DNAH6: variants seen among roughly 807,000 people sequenced by gnomAD.
DNAH6 encodes axonemal beta dynein heavy chain 6.
A neutral mutation model predicts 491.4 loss-of-function variants in DNAH6; 340 were observed. The observed-to-expected ratio is 0.69, with a 90% CI of 0.63 to 0.76. The LOEUF (loss-of-function observed/expected upper bound fraction) is 0.76. DNAH6 is among the 30% of genes least tolerant of loss of function. DNAH6 has a pLI of 0.00. For missense variants in DNAH6, 4,443 were observed against 4,972.2 expected (o/e 0.89, Z 3.20); for synonymous variants, 1,603 against 1,686.1 (o/e 0.95, Z 1.21).
In DNAH6 at chr2:84,548,425, T is replaced by G; in HGVS notation, c.1316+8T>G. ...TTGCATGAGGCTGACGTGGTAAGAT[T>G]ATTCTCATTTTCAAGAAAAATTGTA... On this transcript the variant is annotated splice_region_variant and intron_variant, in intron 8 of 76. Transcript: ENST00000389394. 6.2e-7 allele frequency: 1 copy of G among 1,613,002 alleles called. No homozygotes were observed. The highest frequency in any genetic ancestry group is 8.5e-7 in the Non-Finnish European group (1 of 1,179,758).
At chr2:84,740,485 C>A (rs1378114394) in intron 62 of DNAH6, among the ~76,000 whole-genome samples, 3 of 152,220 alleles carry the variant, frequency 2.0e-5, no homozygotes, top group South Asian at 4.1e-4. Flanking sequence ...GCAAGTGTGA[C>A]CCCCTCTCCA....
intron 29 of DNAH6, among the ~76,000 whole-genome samples, chr2:84,632,141 G>C (rs895327164): frequency 2.6e-5 from 4 of 152,188 alleles, no homozygotes; most frequent in Admixed American, 6.5e-5. Flanking sequence ...TTGTTAACCA[G>C]TCAGTCATTG....
intron 43 of DNAH6, 37 bp downstream of exon 43, chr2:84,685,509 G>A (rs1163849069): frequency 2.3e-6 from 3 of 1,305,228 alleles, no homozygotes; most frequent in Non-Finnish European, 3.0e-6. Flanking sequence ...TTTTTTATTT[G>A]AGTAGAAAAG....
At chr2:84,568,803 A>G (rs1024153501) in intron 11 of DNAH6, among the ~76,000 whole-genome samples, 4 of 152,234 alleles carry the variant, frequency 2.6e-5, no homozygotes, top group African/African-American at 9.6e-5. Context: ...AGCATATGAA[A>G]AGATAGTCTA....
chr2:84,606,516 A>G (rs1286223818), intron 20 of DNAH6, among the ~76,000 whole-genome samples: 2 of 152,192 alleles, frequency 1.3e-5, no homozygotes, highest in Non-Finnish European at 2.9e-5. Flanking sequence ...ATAACCATTC[A>G]GAGCTTGATA....
chr2:84,772,727 G>A (rs532707327), intron 64 of DNAH6, among the ~76,000 whole-genome samples: 1 of 152,100 alleles, frequency 6.6e-6, no homozygotes, highest in East Asian at 1.9e-4. Flanking sequence ...TTTAATAAGG[G>A]ATAGAACAAT....
At chr2:84,661,532 A>G (rs1475109012) in intron 37 of DNAH6, among the ~76,000 whole-genome samples, 1 of 152,184 alleles carries the variant, frequency 6.6e-6, no homozygotes, top group Non-Finnish European at 1.5e-5. Context: ...TGAAAATTTG[A>G]AAGAATACCA....
rs561771596 is a variant in DNAH6 at position 84,652,291 on chromosome 2, T to C, written c.5079-1028T>C. On this transcript the variant is annotated intron_variant, in intron 33 of 76. Transcript: ENST00000389394. ...GGCGCCTATTTCCCCATAAGTGTTTTAAAGAGAGGCCAAATGTAGTAGCCT... is the reference window on the plus strand; with the variant it reads ...GGCGCCTATTTCCCCATAAGTGTTTCAAAGAGAGGCCAAATGTAGTAGCCT... 6.6e-5 allele frequency among the ~76,000 whole-genome samples: 10 copies of C among 152,198 alleles called. No individual in the cohort carries two copies. In the East Asian group the frequency reaches 1.9e-3, roughly 29 times the overall value.
chr2:84,677,167 A>T, intron 41 of DNAH6, 31 bp downstream of exon 41: 1 of 1,551,284 alleles, frequency 6.4e-7, no homozygotes, highest in Admixed American at 2.0e-5. Flanking sequence ...AGGCAACAGG[A>T]GGAAAAGAAA....
intron 56 of DNAH6, among the ~76,000 whole-genome samples, chr2:84,712,489 C>A (rs1697138424): frequency 6.6e-6 from 1 of 152,226 alleles, no homozygotes; most frequent in Non-Finnish European, 1.5e-5. Flanking sequence ...AAAGGCATAA[C>A]TATCATGTAG....
chr2:84,784,591 TA>T, intron 65 of DNAH6, 130 bp from the exon 66 acceptor site: 1 of 622,622 alleles, frequency 1.6e-6, no homozygotes, highest in Non-Finnish European at 2.8e-6. Flanking sequence ...ATACTTGTAA[TA>T]GATTAACTAG....
chr2:84,664,723 G>A (rs574802473), intron 37 of DNAH6, among the ~76,000 whole-genome samples: 88 of 152,300 alleles, frequency 5.8e-4, no homozygotes, highest in African/African-American at 1.9e-3. Context: ...TCCAGGAATT[G>A]AACTCAGCTC....
intron 75 of DNAH6, among the ~76,000 whole-genome samples, chr2:84,815,439 G>T (rs965397058): frequency 2.0e-5 from 3 of 151,370 alleles, no homozygotes; most frequent in African/African-American, 7.3e-5. Flanking sequence ...AATCTGATGG[G>T]CAGGGTCTCT....
intron 64 of DNAH6, among the ~76,000 whole-genome samples, chr2:84,767,323 G>A (rs1226111575): frequency 1.3e-5 from 2 of 151,952 alleles, no homozygotes; most frequent in African/African-American, 4.8e-5. Flanking sequence ...CTTGAGCCCA[G>A]GAGTTTGAGA....
chr2:84,527,577 A>G (rs561466930), intron 3 of DNAH6, among the ~76,000 whole-genome samples: 1 of 152,292 alleles, frequency 6.6e-6, no homozygotes, highest in Non-Finnish European at 1.5e-5. Flanking sequence ...TGAAACATTG[A>G]GATAAGGTGA....
the DNAH6 span, among the ~76,000 whole-genome samples, chr2:84,476,220 A>G: frequency 2.6e-5 from 4 of 152,226 alleles, no homozygotes; most frequent in African/African-American, 9.6e-5. Context: ...TTAACAGCTT[A>G]AAAGGAAAGG....
intron 70 of DNAH6, among the ~76,000 whole-genome samples, chr2:84,802,057 G>A (rs1336386139): frequency 1.3e-5 from 2 of 152,052 alleles, no homozygotes; most frequent in Non-Finnish European, 2.9e-5. Context: ...AATGCTTAAG[G>A]GAATCCTAAA....
chr2:84,527,466 G>GT (rs1285102394), intron 3 of DNAH6, among the ~76,000 whole-genome samples: 1 of 152,082 alleles, frequency 6.6e-6, no homozygotes, highest in African/African-American at 2.4e-5. Context: ...TTAGAATGCA[G>GT]TAAGACTTTT....
intron 63 of DNAH6, among the ~76,000 whole-genome samples, chr2:84,747,755 T>C (rs1316942855): frequency 1.3e-5 from 2 of 152,214 alleles, no homozygotes; most frequent in African/African-American, 4.8e-5. Flanking sequence ...AGCAGGCTTC[T>C]TCCTGGACAC....
Sources: gnomAD v4.1 joint callset for allele counts (sites outside exome capture counted in the v4.1 genomes callset) on GRCh38, gnomAD v4.1.1 for gene constraint, MANE v1.5 for transcripts, NCBI Gene and HGNC (gene_info 2026-07-23, HGNC 2026-07-21) for gene names.